CELF4: variants seen among roughly 807,000 people sequenced by gnomAD.
CELF4 encodes CUG-BP- and ETR-3-like factor 4.
CELF4 carries 18 observed loss-of-function variants against 59.9 expected under a neutral mutation model. The ratio of observed to expected loss-of-function variants is 0.30; its 90% CI spans 0.21 to 0.45. The LOEUF (loss-of-function observed/expected upper bound fraction) is 0.45. Among genes scored for constraint, CELF4 ranks in the 20% least tolerant of loss-of-function variants. The pLI is 1.00. For missense variants in CELF4, 456 were observed against 689.0 expected, an observed-to-expected ratio of 0.66 and a Z score of 3.79; for synonymous variants, 261 against 267.1, an observed-to-expected ratio of 0.98 and a Z score of 0.22.
At chr18:37,335,174 G>A (rs891522989) in intron 2 of CELF4, among the ~76,000 whole-genome samples, 3 of 151,958 alleles carry the variant, frequency 2.0e-5, no homozygotes, top group East Asian at 1.9e-4. Flanking sequence ...GACAACAGCC[G>A]CGCACCGCCA....
intron 2 of CELF4, among the ~76,000 whole-genome samples, chr18:37,380,961 A>G (rs1603632048): frequency 6.7e-6 from 1 of 149,968 alleles, no homozygotes; most frequent in African/African-American, 2.5e-5. Context: ...TCCATCATCT[A>G]CCCACCATAT....
rs573783614 is a variant in CELF4 at position 37,266,432 on chromosome 18, C to G, written c.1165+101G>C. 387 of 1,152,666 alleles carry G rather than the reference C, an allele frequency of 3.4e-4. 1 individual carries two copies. The African/African-American group carries it at 5.3e-3, about 16-fold the overall frequency. 71.4% of individuals were successfully genotyped at this position (1,152,666 alleles called of 1,614,324 possible). A position where few individuals can be genotyped will look rare whatever the true frequency, so the allele number is the denominator to read the frequency against. On this transcript the variant is annotated intron_variant, in intron 9 of 12. Transcript: ENST00000420428. ...CCTCTTTCCACTCTCTCTCCCCACC[C>G]CATGCAGTGCTGGCCCCAGGCCTGA... is the stretch of plus-strand genomic sequence containing the variant.
chr18:37,458,423 G>C (rs924438500), intron 2 of CELF4, among the ~76,000 whole-genome samples: 1 of 152,194 alleles, frequency 6.6e-6, no homozygotes, highest in Non-Finnish European at 1.5e-5. Flanking sequence ...GCTGAAGAGA[G>C]GGCTCCATTA....
At chr18:37,515,706 C>G (rs1349118705) in intron 1 of CELF4, among the ~76,000 whole-genome samples, 1 of 152,118 alleles carries the variant, frequency 6.6e-6, no homozygotes, top group Non-Finnish European at 1.5e-5. Flanking sequence ...GTGCTGCCCT[C>G]CAGCTGGGGC....
intron 1 of CELF4, among the ~76,000 whole-genome samples, chr18:37,507,296 G>C (rs1033636151): frequency 3.3e-5 from 5 of 152,218 alleles, no homozygotes; most frequent in African/African-American, 1.2e-4. Flanking sequence ...CCTCACCTTA[G>C]ATGGGTGCAT....
At chr18:37,323,596 C>A (rs1373780818) in intron 2 of CELF4, among the ~76,000 whole-genome samples, 1 of 152,122 alleles carries the variant, frequency 6.6e-6, no homozygotes, top group Non-Finnish European at 1.5e-5. Flanking sequence ...GCATCTCACC[C>A]TTTCCTAGGC....
intron 2 of CELF4, among the ~76,000 whole-genome samples, chr18:37,443,609 C>T (rs952966118): frequency 2.0e-5 from 3 of 152,112 alleles, no homozygotes; most frequent in Non-Finnish European, 4.4e-5. Flanking sequence ...AGAGTGGCTC[C>T]AAGGCTCCCC....
intron 2 of CELF4, among the ~76,000 whole-genome samples, chr18:37,462,321 C>T (rs1284129011): frequency 6.6e-6 from 1 of 152,224 alleles, no homozygotes; most frequent in Non-Finnish European, 1.5e-5. Flanking sequence ...TCCAGCTTCC[C>T]TTTAGGCAGC....
intron 3 of CELF4, among the ~76,000 whole-genome samples, chr18:37,307,607 G>T (rs1050531121): frequency 2.0e-5 from 3 of 152,118 alleles, no homozygotes; most frequent in South Asian, 2.1e-4. Context: ...GGGCTGGGGG[G>T]TGGGGAGACG....
chr18:37,384,700 C>A (rs977196245), intron 2 of CELF4, among the ~76,000 whole-genome samples: 3 of 152,196 alleles, frequency 2.0e-5, no homozygotes, highest in Admixed American at 6.5e-5. Context: ...AAATGGGGAA[C>A]ATCACGGGTC....
At chr18:37,526,221 G>A (rs1353079103) in intron 1 of CELF4, among the ~76,000 whole-genome samples, 3 of 152,158 alleles carry the variant, frequency 2.0e-5, no homozygotes, top group African/African-American at 7.2e-5. Flanking sequence ...GGTGTTAGAG[G>A]ATGCATTTTC....
chr18:37,410,577 A>G (rs893942275), intron 2 of CELF4, among the ~76,000 whole-genome samples: 1 of 152,222 alleles, frequency 6.6e-6, no homozygotes, highest in African/African-American at 2.4e-5. Context: ...TTCAGTGTGC[A>G]TGCTGGTGAG....
intron 9 of CELF4, 34 bp downstream of exon 9, chr18:37,266,499 G>T: frequency 6.4e-7 from 1 of 1,565,492 alleles, no homozygotes; most frequent in Non-Finnish European, 8.7e-7. Flanking sequence ...AAACGGAGTT[G>T]GGGAAGGAGC....
Position 37,275,256 on chromosome 18 carries a change from T to G in CELF4, c.449-13A>C. On this transcript the variant is annotated splice_polypyrimidine_tract_variant and intron_variant, in intron 3 of 12. Coordinates refer to ENST00000420428, the MANE Select transcript of CELF4 (RefSeq NM_020180.4). Reference sequence around the variant, plus strand: ...AGTTTTCTATCTTCTAGAACAAAATTAGGAGATGCTTACCCGGGCCAGGGA... The same window carrying G: ...AGTTTTCTATCTTCTAGAACAAAATGAGGAGATGCTTACCCGGGCCAGGGA... The G allele has an allele frequency of 6.2e-7, 1 of 1,611,614 alleles. No homozygotes were observed. Among genetic ancestry groups the G allele is most frequent in the Non-Finnish European group, 8.5e-7 (1 of 1,179,132 alleles).
At chr18:37,453,786 G>A (rs1230533106) in intron 2 of CELF4, among the ~76,000 whole-genome samples, 2 of 152,108 alleles carry the variant, frequency 1.3e-5, no homozygotes, top group African/African-American at 4.8e-5. Context: ...CTGGGAACAG[G>A]GGTAGTCTGA....
At chr18:37,379,153 T>A (rs2154568525) in intron 2 of CELF4, among the ~76,000 whole-genome samples, 1 of 152,296 alleles carries the variant, frequency 6.6e-6, no homozygotes, top group East Asian at 1.9e-4. Flanking sequence ...CCCCGGGGCC[T>A]GGCCTAGGCA....
At chr18:37,444,614 G>GCACACACACACACACA (rs1217107289) in intron 2 of CELF4, among the ~76,000 whole-genome samples, 1 of 71,324 alleles carries the variant, frequency 1.4e-5, no homozygotes, top group Non-Finnish European at 2.9e-5. Context: ...TCTCTAGCAT[G>GCACACACACACACACA]CATACACACA....
Position 37,259,105 on chromosome 18 carries a change from T to A in CELF4, c.1333+76A>T, listed in dbSNP as rs749434272. 1.9e-6 allele frequency: 3 copies of A among 1,607,530 alleles called. No homozygotes were observed. In the African/African-American group the frequency reaches 4.0e-5, roughly 22 times the overall value. On this transcript the variant is annotated intron_variant, in intron 11 of 12. Coordinates refer to ENST00000420428, the MANE Select transcript of CELF4 (RefSeq NM_020180.4). ...CTGTCCTAGGTGAAGCTAATTGGTT[T>A]GTTATCTTTACCCACCAAAGCATTT...
chr18:37,470,056 A>G (rs2154602529), intron 2 of CELF4, among the ~76,000 whole-genome samples: 2 of 152,338 alleles, frequency 1.3e-5, no homozygotes, highest in Middle Eastern at 6.8e-3. Flanking sequence ...TGGCCACCAG[A>G]AGTTCATTGC....
Sources: gnomAD v4.1 joint callset for allele counts (sites outside exome capture counted in the v4.1 genomes callset) on GRCh38, gnomAD v4.1.1 for gene constraint, MANE v1.5 for transcripts, NCBI Gene and HGNC (gene_info 2026-07-23, HGNC 2026-07-21) for gene names.